KIF18A: variants seen among roughly 807,000 people sequenced by gnomAD.
KIF18A encodes the protein kinesin family member 18A, also known as kinesin-like protein KIF18A.
A neutral mutation model predicts 103.3 loss-of-function variants in KIF18A; 67 were observed. That is an observed-to-expected ratio of 0.65 (90% CI 0.53 to 0.79). The LOEUF is 0.79. Among genes scored for constraint, KIF18A ranks in the 30% least tolerant of loss-of-function variants. KIF18A has a pLI of 0.00. For missense variants in KIF18A, 1,032 were observed against 1,062.5 expected (o/e 0.97, Z 0.40); for synonymous variants, 367 against 355.5 (o/e 1.03, Z -0.36).
At chr11:28,025,511 T>A (rs887550584) in intron 15 of KIF18A, among the ~76,000 whole-genome samples, 1 of 152,046 alleles carries the variant, frequency 6.6e-6, no homozygotes, top group African/African-American at 2.4e-5. Context: ...CCCTACTTTT[T>A]ACTCATAGCA....
chr11:28,021,526 G>A (rs935546338), intron 16 of KIF18A, among the ~76,000 whole-genome samples: 6 of 152,082 alleles, frequency 3.9e-5, no homozygotes, highest in Non-Finnish European at 7.4e-5. Context: ...CACAGACATC[G>A]GGTGAAGTCG....
chr11:28,033,219 C>T (rs944517397), intron 15 of KIF18A, among the ~76,000 whole-genome samples: 1 of 151,378 alleles, frequency 6.6e-6, no homozygotes. Flanking sequence ...CAAACACTGG[C>T]AAGGATATGG....
At position 28,090,730 on chromosome 11, in the gene KIF18A, G is replaced by A. The variant is rs751464880; in HGVS notation, c.589-3C>T. On this transcript the variant is annotated splice_polypyrimidine_tract_variant and splice_region_variant and intron_variant, in intron 4 of 16. Coordinates refer to ENST00000263181, the MANE Select transcript of KIF18A (RefSeq NM_031217.4). ...AAAATTTCTTCTGAGGATTTGGGCT[G>A]GAGAAGTTTAAGTAGAAGCAAAATT... 5 of 1,540,012 alleles carry A rather than the reference G, an allele frequency of 3.2e-6. No individual in the cohort carries two copies. The African/African-American group carries it at 5.5e-5, about 17-fold the overall frequency.
chr11:28,072,744 C>T (rs944336976), intron 10 of KIF18A, among the ~76,000 whole-genome samples: 1 of 146,896 alleles, frequency 6.8e-6, no homozygotes, highest in Non-Finnish European at 1.5e-5. Flanking sequence ...AGCTACTGTG[C>T]AGAAAAATAA....
At chr11:28,066,772 C>G (rs1850933356) in intron 11 of KIF18A, among the ~76,000 whole-genome samples, 1 of 147,070 alleles carries the variant, frequency 6.8e-6, no homozygotes, top group African/African-American at 2.5e-5. Context: ...AATCATTGTT[C>G]TGGAAGAGAA....
chr11:28,064,248 G>A (rs1186421227), intron 11 of KIF18A, among the ~76,000 whole-genome samples: 2 of 151,868 alleles, frequency 1.3e-5, no homozygotes, highest in East Asian at 1.9e-4. Flanking sequence ...AGGACGATAC[G>A]GCTAGAGTCA....
intron 13 of KIF18A, chr11:28,056,980 G>T: frequency 2.8e-6 from 1 of 353,612 alleles, no homozygotes; most frequent in East Asian, 1.2e-4. Context: ...AGGCAGATTT[G>T]ACTATATAAA....
intron 13 of KIF18A, among the ~76,000 whole-genome samples, chr11:28,043,924 A>G (rs74233754): frequency 2.0e-4 from 26 of 129,848 alleles, no homozygotes; most frequent in South Asian, 5.2e-4. Flanking sequence ...AAAAAAAAAA[A>G]GGGGGAATAA....
In KIF18A at chr11:28,024,183, C is replaced by G. The variant is rs538034387; in HGVS notation, c.2505-333G>C. ...TGTAGAGATCAGTAGCACATAGTCA[C>G]AAGAGGTTAAAAAAAAAAAAAAAAA... is the stretch of plus-strand genomic sequence containing the variant. On this transcript the variant is annotated intron_variant, in intron 15 of 16. Coordinates refer to ENST00000263181, the MANE Select transcript of KIF18A (RefSeq NM_031217.4). Among the ~76,000 whole-genome samples, 6 of 95,416 alleles carry G rather than the reference C, an allele frequency of 6.3e-5. No individual in the cohort carries two copies. The East Asian group carries it at 2.0e-3, about 31-fold the overall frequency. 62.6% of individuals were successfully genotyped at this position (95,416 alleles called of 152,430 possible). A position where few individuals can be genotyped will look rare whatever the true frequency, so the allele number is the denominator to read the frequency against.
At chr11:28,097,216 A>C (rs1295685564) in intron 2 of KIF18A, 1 of 165,566 alleles carries the variant, frequency 6.0e-6, no homozygotes, top group African/African-American at 2.4e-5. Context: ...ATGAAGAAAA[A>C]CTGCTGAAAA....
intron 14 of KIF18A, 54 bp downstream of exon 14, chr11:28,036,163 T>C (rs1850484670): frequency 2.6e-6 from 3 of 1,141,768 alleles, no homozygotes; most frequent in South Asian, 1.7e-5. Flanking sequence ...CCTCAACTAA[T>C]AGTTGAAAGT....
rs1451361822 is a variant in KIF18A, at chr11:28,062,387, G to A, written c.1712+8C>T. 6.2e-7 allele frequency: 1 copy of A among 1,600,882 alleles called. No individual in the cohort carries two copies. The highest frequency in any genetic ancestry group is 8.5e-7 in the Non-Finnish European group (1 of 1,173,886). Reference sequence around the variant, plus strand: ...AAAATTGGAAAATAGGTAAATGTATGTACTCACGCTTCAGTCTGCCTGTGT... The same window carrying A: ...AAAATTGGAAAATAGGTAAATGTATATACTCACGCTTCAGTCTGCCTGTGT... On this transcript the variant is annotated splice_region_variant and intron_variant, in intron 12 of 16. Coordinates refer to ENST00000263181, the MANE Select transcript of KIF18A (RefSeq NM_031217.4).
At chr11:28,069,546 G>T in intron 10 of KIF18A, 123 bp from the exon 11 acceptor site, 1 of 902,090 alleles carries the variant, frequency 1.1e-6, no homozygotes. Context: ...CTACATTTTT[G>T]TATTTAAAGC....
intron 15 of KIF18A, among the ~76,000 whole-genome samples, chr11:28,025,973 TG>T (rs2133483362): frequency 6.6e-6 from 1 of 152,010 alleles, no homozygotes; most frequent in South Asian, 2.1e-4. Flanking sequence ...GAAACTGCTT[TG>T]GGGTGCTCAG....
intron 12 of KIF18A, among the ~76,000 whole-genome samples, chr11:28,060,960 T>C (rs1018422076): frequency 6.6e-6 from 1 of 152,182 alleles, no homozygotes; most frequent in African/African-American, 2.4e-5. Flanking sequence ...CTCTTGAAAC[T>C]CTGTGTCAGG....
chr11:28,106,551 C>CA (rs11301094), intron 1 of KIF18A, among the ~76,000 whole-genome samples: 7,509 of 82,040 alleles, frequency 0.092, 288 homozygotes, highest in Non-Finnish European at 0.12. Flanking sequence ...CAGTTGTCAG[C>CA]AAAAAAAAAA....
At chr11:28,025,341 G>A (rs559974849) in intron 15 of KIF18A, among the ~76,000 whole-genome samples, 1 of 151,960 alleles carries the variant, frequency 6.6e-6, no homozygotes, top group African/African-American at 2.4e-5. Context: ...AGCTGTCCAA[G>A]GCAGAAATTC....
intron 13 of KIF18A, among the ~76,000 whole-genome samples, chr11:28,037,419 A>C (rs1850507804): frequency 6.6e-6 from 1 of 151,564 alleles, no homozygotes. Context: ...ACAACCACTT[A>C]ATGGCATTTG....
Position 28,083,194 on chromosome 11 carries a change from T to C in KIF18A, c.1124A>G (p.Lys375Arg), listed in dbSNP as rs1238509531. The C allele has an allele frequency of 1.1e-5, 17 of 1,570,310 alleles. No individual in the cohort carries two copies. Among genetic ancestry groups the C allele is most frequent in the Non-Finnish European group, 1.5e-5 (17 of 1,167,456 alleles). ...NVNNHITQYVKICNEQKAEIL... is the reference protein window; with the variant it reads ...NVNNHITQYVRICNEQKAEIL... The stretch of plus-strand genomic sequence containing the variant: ...CTCTGCCTTCTGCTCATTACAGATC[T>C]TTACATATTGAGTTATATGATTATT... The change falls in exon 8 of 17, where the codon AAG becomes AGG. Residue 375 changes from lysine to arginine, a missense_variant. Lys to Arg is a conservative substitution (Grantham distance 26). Coordinates refer to ENST00000263181, the MANE Select transcript of KIF18A (RefSeq NM_031217.4).
Sources: allele counts gnomAD v4.1 joint callset (sites outside exome capture counted in the v4.1 genomes callset), GRCh38; gene constraint gnomAD v4.1.1; transcripts MANE v1.5; gene names NCBI Gene and HGNC (gene_info 2026-07-23, HGNC 2026-07-21).